The following CAST variants were observed in gnomAD, a reference collection of about 807,000 sequenced individuals.
The protein encoded by CAST is MIR583 host.
A neutral mutation model predicts 119.6 loss-of-function variants in CAST; 76 were observed. That is an observed-to-expected ratio of 0.64 (90% CI 0.53 to 0.77). The LOEUF (loss-of-function observed/expected upper bound fraction) is 0.77. CAST is among the 30% of genes least tolerant of loss of function. The pLI, the probability that CAST is intolerant of heterozygous loss-of-function variation, is 0.00. For missense variants in CAST, 953 were observed against 946.5 expected (o/e 1.01, Z -0.09); for synonymous variants, 319 against 331.6 (o/e 0.96, Z 0.41).
chr5:96,721,244 G>C (rs189774367), intron 3 of CAST, among the ~76,000 whole-genome samples: 2 of 152,006 alleles, frequency 1.3e-5, no homozygotes, highest in East Asian at 1.9e-4. Flanking sequence ...GGTGCCTAAG[G>C]GTTCTCAGGA....
the CAST span, among the ~76,000 whole-genome samples, chr5:96,438,782 G>A: frequency 6.6e-6 from 1 of 152,046 alleles, no homozygotes; most frequent in Non-Finnish European, 1.5e-5. Context: ...TAATATTTCG[G>A]TGTAAAAATT....
chr5:96,476,927 CAAAAAA>C, the CAST span, among the ~76,000 whole-genome samples: 1 of 132,148 alleles, frequency 7.6e-6, no homozygotes, highest in Non-Finnish European at 1.6e-5. Flanking sequence ...ATGTGGATGG[CAAAAAA>C]AAAAAAAAAA....
At chr5:96,221,657 C>G in the CAST span, among the ~76,000 whole-genome samples, 1 of 151,982 alleles carries the variant, frequency 6.6e-6, no homozygotes, top group African/African-American at 2.4e-5. Flanking sequence ...CTAGAAGAGT[C>G]AATATCATTA....
chr5:96,639,624 G>A (rs1170744292), intron 1 of CAST, among the ~76,000 whole-genome samples: 1 of 152,234 alleles, frequency 6.6e-6, no homozygotes, highest in Non-Finnish European at 1.5e-5. Context: ...CTGGCCCCGG[G>A]AGGAGGGCCC....
At chr5:96,146,412 A>G in the CAST span, among the ~76,000 whole-genome samples, 1 of 152,246 alleles carries the variant, frequency 6.6e-6, no homozygotes, top group African/African-American at 2.4e-5. Context: ...GCAGATTGCT[A>G]GGACCCACTG....
chr5:96,697,360 C>G (rs1005213063), intron 3 of CAST, among the ~76,000 whole-genome samples: 29 of 151,944 alleles, frequency 1.9e-4, no homozygotes, highest in African/African-American at 6.8e-4. Context: ...GTCACTTGCT[C>G]AATGAAGAGT....
chr5:96,167,652 G>T, the CAST span, among the ~76,000 whole-genome samples: 1 of 152,166 alleles, frequency 6.6e-6, no homozygotes, highest in African/African-American at 2.4e-5. Context: ...ATAAAGGTTG[G>T]TCCATTATCA....
intron 22 of CAST, among the ~76,000 whole-genome samples, chr5:96,756,344 G>C (rs1581308244): frequency 6.6e-6 from 1 of 152,300 alleles, no homozygotes; most frequent in South Asian, 2.1e-4. Flanking sequence ...TGGAGAACAA[G>C]CCCAGGTTCA....
intron 1 of CAST, among the ~76,000 whole-genome samples, chr5:96,641,154 A>G (rs1747944230): frequency 6.6e-6 from 1 of 152,206 alleles, no homozygotes; most frequent in Admixed American, 6.5e-5. Flanking sequence ...CAGAGCAGCC[A>G]TGCTATTAAT....
At chr5:96,571,762 C>G (rs938045856) in intron 1 of CAST, among the ~76,000 whole-genome samples, 1 of 152,196 alleles carries the variant, frequency 6.6e-6, no homozygotes, top group African/African-American at 2.4e-5. Flanking sequence ...CCCTGTTTTA[C>G]TTTCCTTTGT....
the CAST span, among the ~76,000 whole-genome samples, chr5:96,180,591 C>T: frequency 6.6e-5 from 10 of 151,364 alleles, no homozygotes; most frequent in Middle Eastern, 3.4e-3. Context: ...AATGTTAAAA[C>T]GAGAAAAGGG....
chr5:96,664,329 A>G (rs1479258711), intron 1 of CAST, among the ~76,000 whole-genome samples: 4 of 151,914 alleles, frequency 2.6e-5, no homozygotes, highest in Non-Finnish European at 4.4e-5. Context: ...ATATATGTAA[A>G]TATATGTGTG....
At chr5:96,170,485 C>T in the CAST span, among the ~76,000 whole-genome samples, 1 of 152,128 alleles carries the variant, frequency 6.6e-6, no homozygotes, top group African/African-American at 2.4e-5. Context: ...TACTTGGCTG[C>T]CTCAACTGTA....
the CAST span, among the ~76,000 whole-genome samples, chr5:96,107,582 C>T: frequency 3.3e-5 from 5 of 152,130 alleles, no homozygotes; most frequent in Non-Finnish European, 5.9e-5. Flanking sequence ...AGAGTTTCTG[C>T]CGAGAGATCC....
chr5:96,425,069 A>AAAGG, the CAST span, among the ~76,000 whole-genome samples: 8 of 147,904 alleles, frequency 5.4e-5, no homozygotes, highest in Admixed American at 2.0e-4. Context: ...AGAAAGAAAG[A>AAAGG]AAGAAAACGT....
the CAST span, among the ~76,000 whole-genome samples, chr5:96,218,491 C>G: frequency 2.0e-5 from 3 of 151,644 alleles, no homozygotes; most frequent in African/African-American, 7.3e-5. Flanking sequence ...AATAATATTT[C>G]TCTCCCAGTC....
chr5:96,491,731 A>C, the CAST span, among the ~76,000 whole-genome samples: 1 of 152,134 alleles, frequency 6.6e-6, no homozygotes, highest in African/African-American at 2.4e-5. Context: ...CAGCATTTGT[A>C]ATAACCCCAA....
chr5:96,490,236 C>T, the CAST span, among the ~76,000 whole-genome samples: 1 of 152,204 alleles, frequency 6.6e-6, no homozygotes, highest in Non-Finnish European at 1.5e-5. Context: ...CCTCTGCCTG[C>T]AGTTGCCCAC....
the CAST span, among the ~76,000 whole-genome samples, chr5:96,249,807 A>G: frequency 6.6e-6 from 1 of 152,234 alleles, no homozygotes; most frequent in East Asian, 1.9e-4. Flanking sequence ...TGGAAATTTT[A>G]AGTAAATGTC....
Sources: allele counts gnomAD v4.1 joint callset (sites outside exome capture counted in the v4.1 genomes callset), GRCh38; gene constraint gnomAD v4.1.1; transcripts MANE v1.5; gene names NCBI Gene and HGNC (gene_info 2026-07-23, HGNC 2026-07-21).